KLHL15: variants seen among roughly 807,000 people sequenced by gnomAD.
KLHL15 encodes kelch-like protein 15.
Under a neutral mutation model 29.3 loss-of-function variants are expected in KLHL15, and 1 was observed. That is an observed-to-expected ratio of 0.03 (90% CI 0.01 to 0.16). The LOEUF is 0.16. KLHL15 is among the 10% of genes least tolerant of loss of function. The pLI is 1.00. For missense variants in KLHL15, 215 were observed against 478.5 expected, an observed-to-expected ratio of 0.45 and a Z score of 5.14; for synonymous variants, 212 against 184.5, an observed-to-expected ratio of 1.15 and a Z score of -1.21.
intron 2 of KLHL15, among the ~76,000 whole-genome samples, chrX:24,008,299 G>A (rs1929495784): frequency 8.9e-6 from 1 of 111,962 alleles, no homozygotes; most frequent in African/African-American, 3.2e-5. Context: ...GGAGTGCAGT[G>A]GCACAATCTC....
At chrX:24,003,545 T>C (rs1929375917) in intron 3 of KLHL15, among the ~76,000 whole-genome samples, 1 of 92,287 alleles carries the variant, frequency 1.1e-5, no homozygotes, top group Non-Finnish European at 2.1e-5. Flanking sequence ...AGAGTGAGAC[T>C]CCGTCTCAAA....
intron 2 of KLHL15, among the ~76,000 whole-genome samples, chrX:24,018,437 G>A (rs968377724): frequency 2.0e-5 from 2 of 102,137 alleles, no homozygotes; most frequent in Non-Finnish European, 4.0e-5. Flanking sequence ...CAAATAGTAG[G>A]TTTTTTTTTT....
intron 1 of KLHL15, among the ~76,000 whole-genome samples, chrX:24,025,475 C>T (rs1929909761): frequency 9.5e-6 from 1 of 104,987 alleles, no homozygotes; most frequent in South Asian, 4.1e-4. Flanking sequence ...GCAGGGGGCC[C>T]AGTGCGCTGT....
At position 24,010,675 on chromosome X, in the gene KLHL15, G is replaced by T. The variant is rs1428330404; in HGVS notation, c.-7-3975C>A. Among the ~76,000 whole-genome samples the T allele has an allele frequency of 2.7e-5, 3 of 111,632 alleles. No homozygotes were observed. In the Admixed American group the frequency reaches 2.9e-4, roughly 11 times the overall value. On this transcript the variant is annotated intron_variant, in intron 2 of 3. Transcript: ENST00000328046. Reference sequence around the variant, plus strand: ...AAGGATGTGGCAGCCAACATCTACGGCTCTGAATTTCCACCAGTGACACTG... The same window carrying T: ...AAGGATGTGGCAGCCAACATCTACGTCTCTGAATTTCCACCAGTGACACTG...
chrX:24,009,280 T>C (rs1200169688), intron 2 of KLHL15, among the ~76,000 whole-genome samples: 2 of 110,908 alleles, frequency 1.8e-5, no homozygotes, highest in African/African-American at 6.6e-5. Flanking sequence ...GTGGATCACC[T>C]GAAGGTCAGG....
chrX:23,990,402 G>C (rs1365812354), intron 3 of KLHL15, among the ~76,000 whole-genome samples: 1 of 111,356 alleles, frequency 9.0e-6, no homozygotes, highest in African/African-American at 3.3e-5. Flanking sequence ...GAGATACTTT[G>C]TGGAAGATAT....
Position 24,009,291 on chromosome X carries a change from A to G in KLHL15, c.-7-2591T>C, listed in dbSNP as rs774346673. Among the ~76,000 whole-genome samples, 8 of 110,793 alleles carry G rather than the reference A, an allele frequency of 7.2e-5. No individual in the cohort carries two copies. The South Asian group carries it at 3.1e-3, about 43-fold the overall frequency. On this transcript the variant is annotated intron_variant, in intron 2 of 3. Coordinates refer to ENST00000328046, the MANE Select transcript of KLHL15 (RefSeq NM_030624.3). ...ATGGGTGGATCACCTGAAGGTCAGGAGTTTGAGACCAGCCTGGCCAACATG... is the reference window on the plus strand; with the variant it reads ...ATGGGTGGATCACCTGAAGGTCAGGGGTTTGAGACCAGCCTGGCCAACATG...
chrX:24,016,330 ACT>A (rs1399321538), intron 2 of KLHL15, among the ~76,000 whole-genome samples: 1 of 66,972 alleles, frequency 1.5e-5, no homozygotes, highest in East Asian at 5.9e-4. Context: ...ACAGAGCAAG[ACT>A]CTGTCTCAAA....
chrX:24,014,383 C>T (rs1238660625), intron 2 of KLHL15, among the ~76,000 whole-genome samples: 1 of 111,712 alleles, frequency 9.0e-6, no homozygotes, highest in Non-Finnish European at 1.9e-5. Flanking sequence ...CCACACTTCA[C>T]TTCATGTCAA....
chrX:24,000,195 A>T (rs1929285035), intron 3 of KLHL15, among the ~76,000 whole-genome samples: 1 of 112,242 alleles, frequency 8.9e-6, no homozygotes, highest in African/African-American at 3.2e-5. Context: ...TCTTTTAAAA[A>T]GTTGGCCCGG....
chrX:23,991,602 C>G (rs908901802), intron 3 of KLHL15, among the ~76,000 whole-genome samples: 10 of 111,493 alleles, frequency 9.0e-5, no homozygotes, highest in Non-Finnish European at 1.5e-4. Flanking sequence ...AGCACTTTGA[C>G]AGGCCGAGGC....
At chrX:24,001,993 C>A (rs931212834) in intron 3 of KLHL15, among the ~76,000 whole-genome samples, 227 of 107,058 alleles carry the variant, frequency 2.1e-3, no homozygotes, top group Non-Finnish European at 3.9e-3. Flanking sequence ...CTTAGCCGGG[C>A]GTGGTGGCGG....
At chrX:23,991,666 C>T (rs1929090929) in intron 3 of KLHL15, among the ~76,000 whole-genome samples, 2 of 111,273 alleles carry the variant, frequency 1.8e-5, no homozygotes, top group South Asian at 7.5e-4. Context: ...ATGGTGAAAC[C>T]CCATCTCTAC....
intron 2 of KLHL15, among the ~76,000 whole-genome samples, chrX:24,022,034 ATGT>A (rs1483165173): frequency 1.8e-5 from 2 of 111,349 alleles, no homozygotes; most frequent in East Asian, 2.8e-4. Context: ...TCAGGGAAAA[ATGT>A]TGTTAAAAGG....
chrX:24,017,256 A>G (rs943869712), intron 2 of KLHL15, among the ~76,000 whole-genome samples: 1 of 110,530 alleles, frequency 9.0e-6, no homozygotes, highest in Non-Finnish European at 1.9e-5. Flanking sequence ...AAAAAATACA[A>G]AATAGTGTGG....
At chrX:24,006,869 T>C (rs943872627) in intron 2 of KLHL15, among the ~76,000 whole-genome samples, 169 bp from the exon 3 acceptor site, 1 of 112,069 alleles carries the variant, frequency 8.9e-6, no homozygotes, top group Non-Finnish European at 1.9e-5. Flanking sequence ...CTAATATTTC[T>C]GGCTTCCCTA....
intron 1 of KLHL15, among the ~76,000 whole-genome samples, chrX:24,025,349 G>A (rs1259110098): frequency 1.9e-5 from 2 of 107,375 alleles, no homozygotes; most frequent in Non-Finnish European, 2.0e-5. Flanking sequence ...AGGCGGGAAA[G>A]GGGCGGGGAA....
chrX:23,999,321 C>T (rs900338588), intron 3 of KLHL15, among the ~76,000 whole-genome samples: 2 of 109,583 alleles, frequency 1.8e-5, no homozygotes, highest in East Asian at 2.9e-4. Flanking sequence ...AGAGGCCTGG[C>T]GCGGTGGCTC....
chrX:24,011,590 G>A (rs1602012537), intron 2 of KLHL15, among the ~76,000 whole-genome samples: 1 of 111,601 alleles, frequency 9.0e-6, no homozygotes, highest in South Asian at 3.7e-4. Flanking sequence ...GTTGCAGTGA[G>A]CCAAGATTGT....
Sources: gnomAD v4.1 joint callset for allele counts (sites outside exome capture counted in the v4.1 genomes callset) on GRCh38, gnomAD v4.1.1 for gene constraint, MANE v1.5 for transcripts, NCBI Gene and HGNC (gene_info 2026-07-23, HGNC 2026-07-21) for gene names.